SCML4: variants seen among roughly 807,000 people sequenced by gnomAD.
SCML4 encodes Scm polycomb group protein like 4.
SCML4 carries 34 observed loss-of-function variants against 41.1 expected under a neutral mutation model. The observed-to-expected ratio is 0.83, with a 90% confidence interval of 0.63 to 1.10. SCML4 has a LOEUF of 1.10. SCML4 is among the 50% of genes least tolerant of loss of function. The probability of loss-of-function intolerance (pLI) is 0.00; values close to 1 mark genes in which losing one functional copy is unlikely to be tolerated. For synonymous variants in SCML4, 214 were observed against 220.9 expected (o/e 0.97, Z 0.28); for missense variants, 522 against 534.1 (o/e 0.98, Z 0.22).
At chr6:107,798,751 G>A (rs572468186) in intron 1 of SCML4, among the ~76,000 whole-genome samples, 68 of 151,784 alleles carry the variant, frequency 4.5e-4, no homozygotes, top group African/African-American at 1.4e-3. Flanking sequence ...CCCTCTACTC[G>A]TCCCTTTAGT....
rs547034076 is a variant in SCML4, at chr6:107,797,324, A to C, written c.-59-24938T>G. 9.3e-4 allele frequency among the ~76,000 whole-genome samples: 141 copies of C among 152,198 alleles called. 2 individuals are homozygous for C. In the South Asian group the frequency reaches 0.01, roughly 11 times the overall value. On this transcript the variant is annotated intron_variant, in intron 1 of 7. Transcript: ENST00000369020. ...GAGTTTGTCTTAGAAATATATGTGC[A>C]GGTTTTGGTGTAGACGTCTTGCACA...
intron 6 of SCML4, chr6:107,720,007 CT>C: frequency 5.1e-6 from 5 of 985,474 alleles, no homozygotes; most frequent in Non-Finnish European, 6.0e-6. Flanking sequence ...AACAAGCTTT[CT>C]TTAGTGGATG....
chr6:107,769,446 C>T (rs927638543), intron 2 of SCML4, among the ~76,000 whole-genome samples: 8 of 152,168 alleles, frequency 5.3e-5, no homozygotes, highest in African/African-American at 1.9e-4. Flanking sequence ...GGTCTTGGAC[C>T]AGAGAGAGTT....
At chr6:107,713,346 T>C (rs544582371) in intron 6 of SCML4, among the ~76,000 whole-genome samples, 9 of 152,266 alleles carry the variant, frequency 5.9e-5, no homozygotes, top group Admixed American at 2.6e-4. Flanking sequence ...TGCTTCTCTG[T>C]TGTAAAATAA....
In SCML4 at chr6:107,746,831, C is replaced by T. The variant is rs1219732808; in HGVS notation, c.345G>A (p.Val115=). ...NAGPYLERKK[V]QQLPEHFGPE... is the part of the protein sequence containing the mutation. ...GCCCAAAATGCTCCGGGAGCTGCTG[C>T]ACCTTCTTCCTCTCCAGATAGGGCC... Residue 115 remains valine (V), a synonymous_variant, in exon 4 of 8, where the codon GTG becomes GTA. Transcript: ENST00000369020. The T allele has an allele frequency of 3.7e-6, 6 of 1,613,984 alleles. No individual in the cohort carries two copies. In the East Asian group the frequency reaches 1.3e-4, roughly 36 times the overall value.
chr6:107,733,556 C>G (rs1303778737), intron 5 of SCML4, among the ~76,000 whole-genome samples: 2 of 152,202 alleles, frequency 1.3e-5, no homozygotes, highest in Non-Finnish European at 2.9e-5. Context: ...CCCTAGTTCT[C>G]AAGCATGGAC....
chr6:107,831,411 C>CCAAAA, the SCML4 span, among the ~76,000 whole-genome samples: 35 of 107,480 alleles, frequency 3.3e-4, 12 homozygotes, highest in East Asian at 3.0e-4. Flanking sequence ...TTTTCATTCT[C>CCAAAA]AAAAAAAAAA....
chr6:107,709,329 T>C (rs1350377493), intron 6 of SCML4, among the ~76,000 whole-genome samples: 1 of 152,208 alleles, frequency 6.6e-6, no homozygotes, highest in African/African-American at 2.4e-5. Flanking sequence ...TTGCTGGTGA[T>C]TGGACCAGGA....
intron 6 of SCML4, among the ~76,000 whole-genome samples, chr6:107,714,437 A>G (rs1331927670): frequency 1.3e-5 from 2 of 152,162 alleles, no homozygotes; most frequent in South Asian, 2.1e-4. Context: ...TCCGAAGGGT[A>G]GGCTCAGCCA....
At chr6:107,820,693 G>C in intron 1 of SCML4, among the ~76,000 whole-genome samples, 1 of 152,140 alleles carries the variant, frequency 6.6e-6, no homozygotes, top group South Asian at 2.1e-4. Flanking sequence ...TAGAACCCAC[G>C]GGCTGGCAGC....
intron 5 of SCML4, among the ~76,000 whole-genome samples, chr6:107,731,372 T>A (rs1194732299): frequency 6.6e-6 from 1 of 152,210 alleles, no homozygotes; most frequent in African/African-American, 2.4e-5. Context: ...AATTCCACTA[T>A]GCAAAATTAT....
At chr6:107,746,562 G>T in intron 4 of SCML4, 127 bp downstream of exon 4, 1 of 765,490 alleles carries the variant, frequency 1.3e-6, no homozygotes, top group Non-Finnish European at 2.2e-6. Flanking sequence ...GGCTCATAAA[G>T]ACCCTAGGAG....
At chr6:107,739,621 G>A (rs1777398372) in intron 5 of SCML4, among the ~76,000 whole-genome samples, 1 of 152,018 alleles carries the variant, frequency 6.6e-6, no homozygotes, top group South Asian at 2.1e-4. Context: ...GGAACAATGT[G>A]GTCCTATGGA....
intron 2 of SCML4, among the ~76,000 whole-genome samples, chr6:107,767,955 CTG>C (rs533300253): frequency 3.9e-4 from 59 of 152,202 alleles, no homozygotes; most frequent in African/African-American, 1.4e-3. Flanking sequence ...GAGGTAGAAA[CTG>C]TGTGTTAACA....
At chr6:107,842,792 G>A in the SCML4 span, among the ~76,000 whole-genome samples, 5 of 152,082 alleles carry the variant, frequency 3.3e-5, no homozygotes, top group Admixed American at 2.0e-4. Context: ...TCTCTTTTCT[G>A]TTCTAGCAGT....
chr6:107,761,791 C>G (rs1046670145), intron 2 of SCML4, among the ~76,000 whole-genome samples: 24 of 111,330 alleles, frequency 2.2e-4, no homozygotes, highest in Non-Finnish European at 5.5e-5. Flanking sequence ...TAGACTTCTA[C>G]ACCCAGAAAA....
intron 5 of SCML4, among the ~76,000 whole-genome samples, chr6:107,734,528 T>C (rs1776867170): frequency 6.6e-6 from 1 of 152,226 alleles, no homozygotes; most frequent in Admixed American, 6.5e-5. Flanking sequence ...CTGGACATAA[T>C]AGAGAATCCA....
At chr6:107,729,801 T>C (rs1434961230) in intron 5 of SCML4, among the ~76,000 whole-genome samples, 9 of 152,214 alleles carry the variant, frequency 5.9e-5, no homozygotes, top group Non-Finnish European at 1.0e-4. Context: ...TTGGAATGCA[T>C]TGAGCTAGCC....
At chr6:107,784,243 G>A (rs541077699) in intron 1 of SCML4, among the ~76,000 whole-genome samples, 24 of 152,278 alleles carry the variant, frequency 1.6e-4, no homozygotes, top group Admixed American at 2.6e-4. Context: ...CATGGAGTCT[G>A]TCTCTCTGTG....
Sources: gnomAD v4.1 joint callset for allele counts (sites outside exome capture counted in the v4.1 genomes callset) on GRCh38, gnomAD v4.1.1 for gene constraint, MANE v1.5 for transcripts, NCBI Gene and HGNC (gene_info 2026-07-23, HGNC 2026-07-21) for gene names.